TBC1D4: variants seen among roughly 807,000 people sequenced by gnomAD.
TBC1D4 encodes the protein TBC (Tre-2, BUB2, CDC16) domain-containing protein.
Under a neutral mutation model 142.5 loss-of-function variants are expected in TBC1D4, and 121 were observed. That is an observed-to-expected ratio of 0.85 (90% CI 0.73 to 0.99). TBC1D4 has a LOEUF of 0.99. Among genes scored for constraint, TBC1D4 ranks in the 50% least tolerant of loss-of-function variants. TBC1D4 has a pLI of 0.00. For synonymous variants in TBC1D4, 630 were observed against 628.2 expected (o/e 1.00, Z -0.04); for missense variants, 1,475 against 1,606.6 (o/e 0.92, Z 1.40).
intron 1 of TBC1D4, among the ~76,000 whole-genome samples, chr13:75,405,781 T>G (rs566061676): frequency 1.3e-5 from 2 of 152,256 alleles, no homozygotes; most frequent in Admixed American, 1.3e-4. Flanking sequence ...TTTAAAGAGT[T>G]AAATTAACCA....
rs1881413400 is a variant in TBC1D4, at chr13:75,349,275, G to A, written c.1303C>T (p.Gln435Ter). ...LVDEVMLTLK[Q>*]AFSTAAALQS... ...AGGGCAGCCGCCGTACTGAAGGCCT[G>A]TTTCAGAGTCAGCATTACCTCATCA... Residue 435 changes from glutamine to a stop codon, truncating the protein, a stop_gained, in exon 5 of 21, where the codon CAG (glutamine) becomes TAG (stop). Coordinates refer to ENST00000377636, the MANE Select transcript of TBC1D4 (RefSeq NM_014832.5). LOFTEE classifies it high-confidence loss of function. 2 of 1,613,806 alleles carry A rather than the reference G, an allele frequency of 1.2e-6. No individual in the cohort carries two copies. Among genetic ancestry groups the A allele is most frequent in the Non-Finnish European group, 1.7e-6 (2 of 1,179,928 alleles).
intron 1 of TBC1D4, among the ~76,000 whole-genome samples, chr13:75,441,765 C>T (rs549060649): frequency 7.9e-5 from 12 of 152,158 alleles, no homozygotes; most frequent in Non-Finnish European, 1.6e-4. Flanking sequence ...CTTCCCCAGT[C>T]CTGCCAGTAA....
chr13:75,407,004 C>A, intron 1 of TBC1D4, among the ~76,000 whole-genome samples: 1 of 152,158 alleles, frequency 6.6e-6, no homozygotes, highest in East Asian at 1.9e-4. Context: ...TGTATCATTT[C>A]AGGCATTCGT....
At chr13:75,460,575 C>G (rs528921277) in intron 1 of TBC1D4, among the ~76,000 whole-genome samples, 1 of 152,264 alleles carries the variant, frequency 6.6e-6, no homozygotes, top group African/African-American at 2.4e-5. Context: ...GAACTACCAA[C>G]CCACGGTATG....
chr13:75,290,244 T>G (rs1875150348), intron 19 of TBC1D4, among the ~76,000 whole-genome samples: 1 of 152,132 alleles, frequency 6.6e-6, no homozygotes, highest in Non-Finnish European at 1.5e-5. Context: ...CTCTAGATGT[T>G]GAGATTTATA....
chr13:75,347,815 A>G (rs773750597), intron 5 of TBC1D4, among the ~76,000 whole-genome samples: 18 of 152,150 alleles, frequency 1.2e-4, no homozygotes, highest in Non-Finnish European at 2.5e-4. Flanking sequence ...CAATATTACA[A>G]TTATAATTGT....
intron 2 of TBC1D4, among the ~76,000 whole-genome samples, chr13:75,360,452 A>G (rs987508323): frequency 1.3e-5 from 2 of 152,196 alleles, no homozygotes; most frequent in African/African-American, 4.8e-5. Flanking sequence ...AAGAAAAAAT[A>G]TGAACTTCCA....
chr13:75,293,598 G>GA (rs1200691544), intron 18 of TBC1D4, among the ~76,000 whole-genome samples: 1 of 152,182 alleles, frequency 6.6e-6, no homozygotes, highest in East Asian at 1.9e-4. Context: ...AAGCTCCAGA[G>GA]AAAATGTCAC....
At chr13:75,418,827 C>T (rs1419124558) in intron 1 of TBC1D4, among the ~76,000 whole-genome samples, 1 of 152,140 alleles carries the variant, frequency 6.6e-6, no homozygotes, top group Non-Finnish European at 1.5e-5. Flanking sequence ...TATTCACTCC[C>T]TACTCTCTGC....
At chr13:75,292,573 G>A (rs1875427120) in intron 18 of TBC1D4, among the ~76,000 whole-genome samples, 1 of 151,822 alleles carries the variant, frequency 6.6e-6, no homozygotes, top group South Asian at 2.1e-4. Context: ...AAACCTCAAG[G>A]ACAGTTATTC....
At chr13:75,316,272 T>C (rs1350917829) in intron 12 of TBC1D4, among the ~76,000 whole-genome samples, 3 of 152,144 alleles carry the variant, frequency 2.0e-5, no homozygotes, top group African/African-American at 7.2e-5. Context: ...GGGGGCAATA[T>C]GTTATAAAAG....
intron 11 of TBC1D4, among the ~76,000 whole-genome samples, chr13:75,321,634 CT>C (rs1878790116): frequency 6.6e-6 from 1 of 152,156 alleles, no homozygotes; most frequent in African/African-American, 2.4e-5. Context: ...GTTGAAGTGA[CT>C]TACTAGTTCA....
At chr13:75,366,143 C>T (rs143352385) in intron 1 of TBC1D4, among the ~76,000 whole-genome samples, 4 of 152,144 alleles carry the variant, frequency 2.6e-5, no homozygotes, top group African/African-American at 4.8e-5. Flanking sequence ...AGCCTAATGA[C>T]GATTTACACA....
At chr13:75,330,961 C>T (rs1376551063) in intron 8 of TBC1D4, among the ~76,000 whole-genome samples, 1 of 152,172 alleles carries the variant, frequency 6.6e-6, no homozygotes, top group African/African-American at 2.4e-5. Flanking sequence ...TTGGTCTTAA[C>T]AGACAAAGTA....
chr13:75,337,211 G>A (rs554728099), intron 7 of TBC1D4, among the ~76,000 whole-genome samples, 171 bp from the exon 8 acceptor site: 1 of 152,154 alleles, frequency 6.6e-6, no homozygotes, highest in African/African-American at 2.4e-5. Flanking sequence ...ATAAGGAAAG[G>A]GGTTTAATTT....
At chr13:75,343,869 T>G (rs1320394939) in intron 5 of TBC1D4, among the ~76,000 whole-genome samples, 2 of 152,114 alleles carry the variant, frequency 1.3e-5, no homozygotes, top group Non-Finnish European at 2.9e-5. Context: ...AGGCAGAGTT[T>G]CACTCTCGTC....
chr13:75,318,131 A>G (rs1406481261), intron 12 of TBC1D4, among the ~76,000 whole-genome samples: 1 of 152,268 alleles, frequency 6.6e-6, no homozygotes, highest in Non-Finnish European at 1.5e-5. Context: ...CAGAATGGAG[A>G]TGCTCTAATG....
intron 12 of TBC1D4, among the ~76,000 whole-genome samples, chr13:75,318,847 T>C (rs1878524390): frequency 1.3e-5 from 2 of 152,082 alleles, no homozygotes. Context: ...TTTAAGAAAA[T>C]AAGTTTAGTA....
At chr13:75,338,736 C>A (rs151239054) in intron 7 of TBC1D4, among the ~76,000 whole-genome samples, 2 of 152,176 alleles carry the variant, frequency 1.3e-5, no homozygotes, top group African/African-American at 4.8e-5. Context: ...TCTATGGGCA[C>A]CAAATCCATT....
Sources: gnomAD v4.1 joint callset for allele counts (sites outside exome capture counted in the v4.1 genomes callset) on GRCh38, gnomAD v4.1.1 for gene constraint, MANE v1.5 for transcripts, NCBI Gene and HGNC (gene_info 2026-07-23, HGNC 2026-07-21) for gene names.